FAM184A: variants seen among roughly 807,000 people sequenced by gnomAD.
FAM184A encodes protein FAM184A.
A neutral mutation model predicts 143.8 loss-of-function variants in FAM184A; 99 were observed. That is an observed-to-expected ratio of 0.69 (90% CI 0.58 to 0.81). The LOEUF (loss-of-function observed/expected upper bound fraction) is 0.81, where lower values mean the gene tolerates loss of function less well. Ranked by LOEUF, FAM184A falls within the 40% of genes least tolerant of loss-of-function variation. The pLI, the probability that FAM184A is intolerant of heterozygous loss-of-function variation, is 0.00. For missense variants in FAM184A, 1,217 were observed against 1,310.5 expected (o/e 0.93, Z 1.10); for synonymous variants, 427 against 446.4 (o/e 0.96, Z 0.55).
intron 1 of FAM184A, among the ~76,000 whole-genome samples, chr6:119,132,774 G>A (rs546356945): frequency 5.5e-4 from 84 of 152,330 alleles, no homozygotes; most frequent in Non-Finnish European, 7.5e-4. Context: ...AAGTTGGCAC[G>A]TGAGGTGAAA....
intron 7 of FAM184A, chr6:119,006,075 G>A (rs1192844289): frequency 2.6e-6 from 2 of 765,062 alleles, no homozygotes; most frequent in Non-Finnish European, 4.8e-6. Flanking sequence ...GGAGTAGAAT[G>A]AGCCCTTGTT....
chr6:119,035,458 C>T (rs760984548), intron 1 of FAM184A, among the ~76,000 whole-genome samples: 3 of 152,196 alleles, frequency 2.0e-5, no homozygotes, highest in Non-Finnish European at 4.4e-5. Context: ...CTGAAAGAAA[C>T]TGAAGTATTT....
At chr6:119,042,285 C>T (rs1431669779) in intron 1 of FAM184A, among the ~76,000 whole-genome samples, 5 of 152,158 alleles carry the variant, frequency 3.3e-5, no homozygotes, top group Non-Finnish European at 7.4e-5. Context: ...TTCTTCTCCT[C>T]TGTTCTCTCT....
intron 12 of FAM184A, 71 bp from the exon 13 acceptor site, chr6:118,975,279 A>G: frequency 9.4e-7 from 1 of 1,063,022 alleles, no homozygotes; most frequent in South Asian, 1.7e-5. Context: ...TGCGGGAAAG[A>G]AAATGACACA....
chr6:118,996,277 C>T (rs1375715514), intron 9 of FAM184A, among the ~76,000 whole-genome samples: 1 of 152,106 alleles, frequency 6.6e-6, no homozygotes, highest in Non-Finnish European at 1.5e-5. Context: ...GTAATAATGT[C>T]ATTCAGTTTT....
chr6:119,048,491 G>A lies in FAM184A; in HGVS notation c.160-23678C>T, dbSNP rs142181638. On this transcript the variant is annotated intron_variant, in intron 1 of 17. Coordinates refer to ENST00000338891, the MANE Select transcript of FAM184A (RefSeq NM_024581.6). ...TATATATAGAAAACCCCATAGTCTC[G>A]GGCCAAAAGCTCCTTCAGCTGATAA... Among the ~76,000 whole-genome samples, 64 of 152,144 alleles carry A rather than the reference G, an allele frequency of 4.2e-4. 2 individuals carry two copies. The East Asian group carries it at 9.7e-3, about 23-fold the overall frequency.
At chr6:118,989,155 G>A (rs905273137) in intron 9 of FAM184A, among the ~76,000 whole-genome samples, 13 of 151,854 alleles carry the variant, frequency 8.6e-5, no homozygotes, top group African/African-American at 2.9e-4. Flanking sequence ...TAGAGATGGG[G>A]TTTCACCATG....
chr6:119,032,518 A>AAGAGGAAGAGGGAGAGGG (rs1562481798), intron 1 of FAM184A, among the ~76,000 whole-genome samples: 5 of 139,922 alleles, frequency 3.6e-5, no homozygotes, highest in African/African-American at 1.4e-4. Context: ...GAGGGAGAGG[A>AAGAGGAAGAGGGAGAGGG]AGAGGAAGAG....
At chr6:119,147,063 TG>T (rs1243013434) in intron 1 of FAM184A, among the ~76,000 whole-genome samples, 1 of 126,856 alleles carries the variant, frequency 7.9e-6, no homozygotes, top group Non-Finnish European at 1.7e-5. Flanking sequence ...TGGCAGGCTC[TG>T]TTTTTTTTTT....
rs535752220 is a variant in FAM184A, at chr6:119,078,246, G to C, written c.54C>G (p.Ala18=). Residue 18 remains alanine, a synonymous_variant, in exon 1 of 18, where the codon GCC becomes GCG. Coordinates refer to ENST00000338891, the MANE Select transcript of FAM184A (RefSeq NM_024581.6). This position sits in a 1 kb window ranked among gnomAD's most constrained non-coding sequence, Gnocchi z 5.5. ...WQQHYYGGSA[A]KFAPSPATAQ... ...CGGTGGCCGGCGAGGGCGCGAATTTGGCCGCCGAGCCGCCGTAATAGTGCT... is the reference window on the plus strand; with the variant it reads ...CGGTGGCCGGCGAGGGCGCGAATTTCGCCGCCGAGCCGCCGTAATAGTGCT... 516 of 1,525,588 alleles carry C rather than the reference G, an allele frequency of 3.4e-4. 1 individual carries two copies. In the Middle Eastern group the frequency reaches 4.1e-3, roughly 12 times the overall value. 94.5% of individuals were successfully genotyped at this position (1,525,588 alleles called of 1,614,324 possible).
intron 1 of FAM184A, among the ~76,000 whole-genome samples, chr6:119,046,273 G>T (rs1181202122): frequency 1.3e-5 from 2 of 151,086 alleles, no homozygotes; most frequent in East Asian, 3.9e-4. Flanking sequence ...GCCCAGGCTG[G>T]AGTGCAGTGG....
At chr6:119,008,086 CA>C (rs1195665705) in intron 6 of FAM184A, among the ~76,000 whole-genome samples, 6 of 152,056 alleles carry the variant, frequency 3.9e-5, no homozygotes, top group Non-Finnish European at 7.4e-5. Context: ...ATATAAAAAG[CA>C]AATAAGTGTT....
intron 1 of FAM184A, among the ~76,000 whole-genome samples, chr6:119,129,590 G>A (rs375511446): frequency 1.1e-4 from 17 of 152,056 alleles, no homozygotes; most frequent in East Asian, 5.8e-4. Flanking sequence ...TTAGGCATTG[G>A]AGCTAACAAG....
chr6:119,085,187 A>G (rs1788185295), intron 1 of FAM184A, among the ~76,000 whole-genome samples: 1 of 152,198 alleles, frequency 6.6e-6, no homozygotes. Flanking sequence ...CCAAAGTTTT[A>G]TGCTCTGTTT....
At chr6:119,129,970 A>G (rs1789489882) in intron 1 of FAM184A, among the ~76,000 whole-genome samples, 1 of 152,222 alleles carries the variant, frequency 6.6e-6, no homozygotes, top group Non-Finnish European at 1.5e-5. Flanking sequence ...TAAGCCCACC[A>G]GGGGCAGGGA....
At chr6:119,067,801 T>C (rs554734913) in intron 1 of FAM184A, among the ~76,000 whole-genome samples, 1 of 152,220 alleles carries the variant, frequency 6.6e-6, no homozygotes, top group East Asian at 1.9e-4. Flanking sequence ...ATGTAGACTA[T>C]ATATCCATCA....
intron 3 of FAM184A, 66 bp from the exon 4 acceptor site, chr6:119,020,225 A>T (rs1467231541): frequency 1.6e-6 from 2 of 1,256,246 alleles, no homozygotes; most frequent in South Asian, 2.0e-5. Context: ...AACAGTTTAC[A>T]TTTAATAACA....
At chr6:119,120,157 T>C (rs562653588) in intron 1 of FAM184A, among the ~76,000 whole-genome samples, 22 of 152,220 alleles carry the variant, frequency 1.4e-4, no homozygotes, top group Admixed American at 2.0e-4. Context: ...CCTGCACCCA[T>C]TTGCTGTTAC....
At chr6:119,112,924 C>T (rs1788969466) in intron 1 of FAM184A, among the ~76,000 whole-genome samples, 1 of 152,156 alleles carries the variant, frequency 6.6e-6, no homozygotes, top group Admixed American at 6.5e-5. Context: ...TGACCAACTG[C>T]CATAAAAGGG....
Sources: allele counts gnomAD v4.1 joint callset (sites outside exome capture counted in the v4.1 genomes callset), GRCh38; gene constraint gnomAD v4.1.1; non-coding constraint Gnocchi (gnomAD v3.1); transcripts MANE v1.5; gene names NCBI Gene and HGNC (gene_info 2026-07-23, HGNC 2026-07-21).